Variants in SLC26A9 observed in about 807,000 individuals in gnomAD.
SLC26A9 encodes the protein anion transporter/exchanger protein 9.
SLC26A9 carries 46 observed loss-of-function variants against 87.1 expected under a neutral mutation model. That is an observed-to-expected ratio of 0.53 (90% CI 0.42 to 0.67). SLC26A9 has a LOEUF of 0.67. Ranked by LOEUF, SLC26A9 falls within the 30% of genes least tolerant of loss-of-function variation. SLC26A9 has a pLI of 0.00. For missense variants in SLC26A9, 927 were observed against 1,018.3 expected, an observed-to-expected ratio of 0.91 and a Z score of 1.22; for synonymous variants, 437 against 409.1, an observed-to-expected ratio of 1.07 and a Z score of -0.82.
rs1659358356 is a variant in SLC26A9 at position 205,932,788 on chromosome 1, T to C, written c.290A>G (p.Asn97Ser). The C allele has an allele frequency of 6.3e-7, 1 of 1,598,736 alleles. No individual in the cohort carries two copies. The highest frequency in any genetic ancestry group is 1.3e-5 in the African/African-American group (1 of 74,624). ...GTAGAGGCCATTGACTGCAGGAAGG[T>C]TGGCCAGCAGAGCAAATGCCATGCC... ...PQGMAFALLA[N>S]LPAVNGLYSS... is the part of the protein sequence containing the mutation. Residue 97 changes from asparagine to serine, a missense_variant, in exon 4 of 21, where the codon AAC becomes AGC. Transcript: ENST00000367135.
Position 205,932,698 on chromosome 1 carries a change from T to G in SLC26A9, c.376+4A>C. 6.4e-7 allele frequency: 1 copy of G among 1,557,556 alleles called. No homozygotes were observed. Among genetic ancestry groups the G allele is most frequent in the Non-Finnish European group, 8.7e-7 (1 of 1,154,356 alleles). On this transcript the variant is annotated splice_donor_region_variant and intron_variant, in intron 4 of 20. Transcript: ENST00000367135. ...CCTGCCTGCCCAGAGGGGAGAGGCC[T>G]TACCTGGCACCATCTGGTGAACACC... is the stretch of plus-strand genomic sequence containing the variant.
At chr1:205,921,976 A>T in intron 16 of SLC26A9, 129 bp from the exon 17 acceptor site, 1 of 1,235,486 alleles carries the variant, frequency 8.1e-7, no homozygotes, top group Non-Finnish European at 1.1e-6. Flanking sequence ...GTGAACACAG[A>T]CCCTGAAAGC....
chr1:205,932,092 C>T, intron 4 of SLC26A9, 57 bp from the exon 5 acceptor site: 1 of 1,593,866 alleles, frequency 6.3e-7, no homozygotes, highest in Admixed American at 1.7e-5. Flanking sequence ...CCGATGGAAA[C>T]CAGAAAGGGG....
intron 12 of SLC26A9, among the ~76,000 whole-genome samples, chr1:205,926,170 G>T (rs1015070167): frequency 2.0e-5 from 3 of 152,090 alleles, no homozygotes; most frequent in African/African-American, 7.2e-5. Flanking sequence ...TCATAAAGTA[G>T]TCATAGCTAA....
intron 2 of SLC26A9, chr1:205,935,270 C>T (rs1659462513): frequency 6.5e-6 from 1 of 153,722 alleles, no homozygotes; most frequent in Non-Finnish European, 1.4e-5. Context: ...GAGGAAGGAA[C>T]ATCCGGGAGG....
At chr1:205,921,886 C>T (rs765709793) in intron 16 of SLC26A9, 39 bp from the exon 17 acceptor site, 5 of 1,576,302 alleles carry the variant, frequency 3.2e-6, no homozygotes, top group African/African-American at 1.3e-5. Context: ...CAGGGACCAC[C>T]AGACTGAGCC....
At chr1:205,918,615 T>C (rs747376749) in intron 19 of SLC26A9, among the ~76,000 whole-genome samples, 4 of 152,252 alleles carry the variant, frequency 2.6e-5, no homozygotes, top group Non-Finnish European at 4.4e-5. Context: ...ACAAAAGATG[T>C]AATTATCATT....
chr1:205,923,281 A>G, intron 15 of SLC26A9, 54 bp downstream of exon 15: 1 of 1,611,902 alleles, frequency 6.2e-7, no homozygotes, highest in East Asian at 2.2e-5. Flanking sequence ...TTCTGCTTCC[A>G]TTTTCCGGCC....
chr1:205,927,869 C>A, intron 9 of SLC26A9, 33 bp downstream of exon 9: 1 of 1,608,418 alleles, frequency 6.2e-7, no homozygotes, highest in East Asian at 2.2e-5. Flanking sequence ...TTGACCTGTC[C>A]TGCCCAGTCC....
At chr1:205,934,117 G>A (rs1489066156) in intron 2 of SLC26A9, among the ~76,000 whole-genome samples, 1 of 152,106 alleles carries the variant, frequency 6.6e-6, no homozygotes, top group Admixed American at 6.5e-5. Flanking sequence ...CCTGACACTC[G>A]GTCCCCTGGA....
intron 19 of SLC26A9, among the ~76,000 whole-genome samples, chr1:205,918,038 G>C (rs967477579): frequency 2.6e-5 from 4 of 152,198 alleles, no homozygotes; most frequent in Non-Finnish European, 4.4e-5. Context: ...TCAGCACTTA[G>C]AACAGATGGT....
chr1:205,929,616 C>T (rs772345534), intron 6 of SLC26A9, among the ~76,000 whole-genome samples: 1 of 152,164 alleles, frequency 6.6e-6, no homozygotes, highest in Non-Finnish European at 1.5e-5. Flanking sequence ...GGAGATTAGA[C>T]ATAAGGCAGG....
intron 18 of SLC26A9, 120 bp from the exon 19 acceptor site, chr1:205,919,105 G>A: frequency 8.1e-7 from 1 of 1,238,802 alleles, no homozygotes; most frequent in Non-Finnish European, 1.1e-6. Context: ...AGCTCTTGCT[G>A]TATCTGAGGG....
chr1:205,942,548 A>C (rs1053399073), intron 1 of SLC26A9, among the ~76,000 whole-genome samples: 2 of 151,820 alleles, frequency 1.3e-5, no homozygotes, highest in Non-Finnish European at 2.9e-5. Context: ...TCAGCTGGGG[A>C]CCCTCTGGGC....
intron 11 of SLC26A9, 98 bp from the exon 12 acceptor site, chr1:205,926,728 A>C: frequency 1.0e-6 from 1 of 973,826 alleles, no homozygotes; most frequent in Non-Finnish European, 1.6e-6. Flanking sequence ...ACAGAGACGG[A>C]GTTCTGGAAC....
intron 1 of SLC26A9, among the ~76,000 whole-genome samples, chr1:205,940,412 G>A (rs1371293646): frequency 1.5e-5 from 2 of 136,434 alleles, no homozygotes; most frequent in African/African-American, 2.6e-5. Flanking sequence ...GCAGAGATGG[G>A]CTTGGGCAGA....
chr1:205,943,050 T>A (rs1416928348), intron 1 of SLC26A9, among the ~76,000 whole-genome samples: 1 of 152,158 alleles, frequency 6.6e-6, no homozygotes, highest in Non-Finnish European at 1.5e-5. Context: ...GGTCTAACAT[T>A]TTCCTTTCCC....
chr1:205,928,382 T>TC, intron 8 of SLC26A9: 1 of 393,044 alleles, frequency 2.5e-6, no homozygotes, highest in Non-Finnish European at 4.7e-6. Flanking sequence ...TATGTGGTCT[T>TC]CCCTCCCTTG....
intron 1 of SLC26A9, among the ~76,000 whole-genome samples, chr1:205,941,876 A>G (rs1187036200): frequency 1.3e-5 from 2 of 152,224 alleles, no homozygotes; most frequent in Non-Finnish European, 2.9e-5. Context: ...TTCACTTGGA[A>G]GCAGGGCCTG....
Sources: gnomAD v4.1 joint callset for allele counts (sites outside exome capture counted in the v4.1 genomes callset) on GRCh38, gnomAD v4.1.1 for gene constraint, MANE v1.5 for transcripts, NCBI Gene and HGNC (gene_info 2026-07-23, HGNC 2026-07-21) for gene names.